TENM2: variants seen among roughly 807,000 people sequenced by gnomAD.
The protein encoded by TENM2 is teneurin transmembrane protein 2, also known as teneurin-2.
TENM2 carries 52 observed loss-of-function variants against 245.2 expected under a neutral mutation model. The ratio of observed to expected loss-of-function variants is 0.21; its 90% CI spans 0.17 to 0.27. The LOEUF (loss-of-function observed/expected upper bound fraction) is 0.27, where lower values mean the gene tolerates loss of function less well. TENM2 is among the 10% of genes least tolerant of loss of function. The pLI is 1.00. For synonymous variants in TENM2, 1,363 were observed against 1,438.9 expected (o/e 0.95, Z 1.19); for missense variants, 3,046 against 3,666.8 (o/e 0.83, Z 4.37).
chr5:167,419,934 GA>G (rs1366646406), intron 2 of TENM2, among the ~76,000 whole-genome samples: 2 of 152,206 alleles, frequency 1.3e-5, no homozygotes, highest in Non-Finnish European at 2.9e-5. Flanking sequence ...TGCAGCAGCA[GA>G]GAGCATGATT....
At chr5:167,897,041 AAGGCTTATAATGTG>A (rs1448474231) in intron 3 of TENM2, among the ~76,000 whole-genome samples, 1 of 152,236 alleles carries the variant, frequency 6.6e-6, no homozygotes, top group African/African-American at 2.4e-5. Flanking sequence ...CGATGGCAGA[AAGGCTTATAATGTG>A]AGGCTCATCA....
chr5:167,700,949 TAAAAAAAAA>T (rs781480259), intron 2 of TENM2, among the ~76,000 whole-genome samples: 4 of 79,892 alleles, frequency 5.0e-5, no homozygotes, highest in South Asian at 1.0e-3. Flanking sequence ...TTATATTTCT[TAAAAAAAAA>T]AAAAAAAAAA....
In TENM2 at chr5:167,720,894, G is replaced by T. The variant is rs185748583; in HGVS notation, c.503-155092G>T. 1.5e-3 allele frequency among the ~76,000 whole-genome samples: 232 copies of T among 152,274 alleles called. 1 individual carries two copies. The highest frequency in any genetic ancestry group is 1.2e-3 in the Non-Finnish European group (85 of 68,014). The stretch of plus-strand genomic sequence containing the variant: ...ATGTAAAATGTATTACTCAGAAGAG[G>T]ATCTGGAATGAACTCTATGCAGAAG... On this transcript the variant is annotated intron_variant, in intron 2 of 28. Transcript: ENST00000518659.
In TENM2 at chr5:167,812,874, C is replaced by G. The variant is rs577014596; in HGVS notation, c.503-63112C>G. ...GCAATAATATGTTGTGAACCACAGT[C>G]AGGGACCCGATGCCACACAGACTGG... On this transcript the variant is annotated intron_variant, in intron 2 of 28. Transcript: ENST00000518659. Among the ~76,000 whole-genome samples, 292 of 152,302 alleles carry G rather than the reference C, an allele frequency of 1.9e-3. 1 individual carries two copies. Among genetic ancestry groups the G allele is most frequent in the African/African-American group, 6.8e-3 (281 of 41,576 alleles).
rs531563385 is a variant in TENM2, at chr5:168,224,934, T to C, written c.5109-1154T>C. ...GATCTTCCAAAGTGGGGAAAGGCTG[T>C]CCCAACTAGAACAAGGCTTCTTGCT... On this transcript the variant is annotated intron_variant, in intron 23 of 28. Transcript: ENST00000518659. Among the ~76,000 whole-genome samples the C allele has an allele frequency of 3.9e-5, 6 of 152,230 alleles. No individual in the cohort carries two copies. In the East Asian group the frequency reaches 1.2e-3, roughly 29 times the overall value.
intron 1 of TENM2, among the ~76,000 whole-genome samples, chr5:167,289,393 C>T (rs1005408939): frequency 2.0e-5 from 3 of 152,148 alleles, no homozygotes; most frequent in South Asian, 2.1e-4. Flanking sequence ...TCAAGTCTCT[C>T]GAGAGGGGGC....
intron 19 of TENM2, among the ~76,000 whole-genome samples, chr5:168,206,113 T>A (rs959962924): frequency 2.0e-5 from 3 of 152,110 alleles, no homozygotes; most frequent in African/African-American, 7.2e-5. Flanking sequence ...GACAACTGAG[T>A]GGATGATGGC....
At chr5:167,202,327 G>T in the TENM2 span, among the ~76,000 whole-genome samples, 1 of 151,764 alleles carries the variant, frequency 6.6e-6, no homozygotes, top group African/African-American at 2.4e-5. Flanking sequence ...CTTTTCCTCT[G>T]TCAGCCTACT....
the TENM2 span, among the ~76,000 whole-genome samples, chr5:167,234,686 A>T: frequency 6.6e-6 from 1 of 152,226 alleles, no homozygotes; most frequent in Non-Finnish European, 1.5e-5. Flanking sequence ...GGTCTCTGAT[A>T]CATTTCAAAA....
intron 27 of TENM2, among the ~76,000 whole-genome samples, chr5:168,254,193 G>C (rs540086288): frequency 3.9e-4 from 59 of 152,356 alleles, no homozygotes; most frequent in African/African-American, 1.3e-3. Context: ...GAGAAGAGGA[G>C]AGTCATGAGC....
the TENM2 span, among the ~76,000 whole-genome samples, chr5:167,105,223 A>G: frequency 1.3e-5 from 2 of 152,344 alleles, no homozygotes; most frequent in East Asian, 3.9e-4. Context: ...AAGAGGCTAA[A>G]TTCTCATGTC....
At chr5:168,029,085 C>G (rs1250607602) in intron 5 of TENM2, among the ~76,000 whole-genome samples, 2 of 152,188 alleles carry the variant, frequency 1.3e-5, no homozygotes, top group Non-Finnish European at 2.9e-5. Flanking sequence ...AAGGCACCTG[C>G]AGATTCAGTG....
intron 25 of TENM2, among the ~76,000 whole-genome samples, chr5:168,230,610 G>A (rs2152630500): frequency 6.6e-6 from 1 of 152,220 alleles, no homozygotes; most frequent in Non-Finnish European, 1.5e-5. Context: ...CTCACCATTG[G>A]CAAGATGGGC....
chr5:167,058,586 C>A, the TENM2 span, among the ~76,000 whole-genome samples: 2 of 152,018 alleles, frequency 1.3e-5, no homozygotes, highest in Non-Finnish European at 2.9e-5. Flanking sequence ...TAGCAAGACC[C>A]TATCTCTATA....
chr5:168,068,733 T>C (rs1042414533), intron 7 of TENM2, among the ~76,000 whole-genome samples: 10 of 152,054 alleles, frequency 6.6e-5, no homozygotes, highest in Non-Finnish European at 1.3e-4. Flanking sequence ...ATCTCCAACA[T>C]ACACACACAC....
At chr5:167,057,630 G>A in the TENM2 span, among the ~76,000 whole-genome samples, 5 of 152,130 alleles carry the variant, frequency 3.3e-5, no homozygotes, top group Admixed American at 3.3e-4. Flanking sequence ...TCACTCCATG[G>A]AAGGCTAGAG....
intron 2 of TENM2, among the ~76,000 whole-genome samples, chr5:167,568,918 TG>T (rs1218765855): frequency 6.6e-6 from 1 of 152,030 alleles, no homozygotes; most frequent in African/African-American, 2.4e-5. Context: ...GGTATTTGTG[TG>T]GTTAGTTCTG....
chr5:168,082,263 C>G (rs1792071756), intron 7 of TENM2, among the ~76,000 whole-genome samples: 1 of 152,200 alleles, frequency 6.6e-6, no homozygotes, highest in Non-Finnish European at 1.5e-5. Context: ...AGTTCTCGTG[C>G]CATGGTTTCA....
At chr5:168,103,709 T>C (rs1430719279) in intron 9 of TENM2, among the ~76,000 whole-genome samples, 2 of 152,124 alleles carry the variant, frequency 1.3e-5, no homozygotes, top group African/African-American at 4.8e-5. Context: ...AGTGAGTATG[T>C]GTGTGTGTGA....
Sources: gnomAD v4.1 joint callset for allele counts (sites outside exome capture counted in the v4.1 genomes callset) on GRCh38, gnomAD v4.1.1 for gene constraint, MANE v1.5 for transcripts, NCBI Gene and HGNC (gene_info 2026-07-23, HGNC 2026-07-21) for gene names.